The following ANKDD1B variants were observed in gnomAD, a reference collection of about 807,000 sequenced individuals.
ANKDD1B encodes ankyrin repeat and death domain containing 1B, also known as ankyrin repeat and death domain-containing protein 1B.
In ANKDD1B, 57 loss-of-function variants were observed where a neutral mutation model predicts 59.7. That is an observed-to-expected ratio of 0.95 (90% CI 0.77 to 1.19). The LOEUF (loss-of-function observed/expected upper bound fraction) is 1.19, where lower values mean the gene tolerates loss of function less well. ANKDD1B is among the 50% of genes most tolerant of loss of function. ANKDD1B has a pLI of 0.00. For missense variants in ANKDD1B, 602 were observed against 641.9 expected (o/e 0.94, Z 0.67); for synonymous variants, 216 against 239.5 (o/e 0.90, Z 0.91).
At chr5:75,636,826 G>A (rs893994440) in intron 7 of ANKDD1B, among the ~76,000 whole-genome samples, 2 of 152,142 alleles carry the variant, frequency 1.3e-5, no homozygotes, top group African/African-American at 2.4e-5. Flanking sequence ...CCAGCTGTCT[G>A]GCTTGGGCTG....
intron 7 of ANKDD1B, among the ~76,000 whole-genome samples, chr5:75,647,818 CATT>C (rs1774678852): frequency 1.6e-5 from 2 of 126,288 alleles, no homozygotes; most frequent in African/African-American, 8.2e-5. Context: ...TTTATTGCGG[CATT>C]ATTCACAATA....
chr5:75,648,203 G>A (rs1324181612), intron 7 of ANKDD1B, among the ~76,000 whole-genome samples: 2 of 112,962 alleles, frequency 1.8e-5, no homozygotes, highest in Non-Finnish European at 3.5e-5. Context: ...GTATACATAT[G>A]TAACTAACCT....
chr5:75,624,359 G>A (rs1380318503), intron 3 of ANKDD1B, among the ~76,000 whole-genome samples: 1 of 152,146 alleles, frequency 6.6e-6, no homozygotes. Flanking sequence ...CTTAGGGCCC[G>A]GGGTGCAGAT....
At chr5:75,642,231 G>A (rs1027580766) in intron 7 of ANKDD1B, among the ~76,000 whole-genome samples, 12 of 152,138 alleles carry the variant, frequency 7.9e-5, no homozygotes, top group Non-Finnish European at 1.5e-4. Flanking sequence ...GAATTCATGG[G>A]AGGTGGGAGG....
chr5:75,617,828 CA>C (rs1475974373), intron 2 of ANKDD1B, among the ~76,000 whole-genome samples: 1 of 152,166 alleles, frequency 6.6e-6, no homozygotes, highest in Non-Finnish European at 1.5e-5. Context: ...TCAGGTTTCA[CA>C]AAACCTGTGT....
intron 3 of ANKDD1B, 42 bp downstream of exon 3, chr5:75,620,455 G>A (rs1269128199): frequency 5.6e-6 from 6 of 1,062,226 alleles, no homozygotes; most frequent in African/African-American, 4.7e-5. Flanking sequence ...CATAACCAAT[G>A]TACAGGGAGA....
intron 5 of ANKDD1B, among the ~76,000 whole-genome samples, chr5:75,627,300 A>T (rs1451883181): frequency 6.6e-6 from 1 of 152,178 alleles, no homozygotes; most frequent in Non-Finnish European, 1.5e-5. Flanking sequence ...TTTTTTTTTA[A>T]ATCAGCAAAC....
chr5:75,665,847 C>G (rs899904901), intron 11 of ANKDD1B, among the ~76,000 whole-genome samples: 11 of 152,150 alleles, frequency 7.2e-5, no homozygotes, highest in African/African-American at 2.4e-4. Context: ...TTTCCTGCCC[C>G]AGCCTGGATT....
At chr5:75,628,107 C>T (rs16872661) in intron 5 of ANKDD1B, among the ~76,000 whole-genome samples, 8,308 of 152,188 alleles carry the variant, frequency 0.055, 462 homozygotes, top group African/African-American at 0.14. Context: ...CTTAAGAAAA[C>T]TAAATTGATG....
rs1014367859 is a variant in ANKDD1B, at chr5:75,655,883, T to C, written c.898-146T>C. 5.7e-6 allele frequency: 3 copies of C among 522,140 alleles called. No homozygotes were observed. In the African/African-American group the frequency reaches 5.9e-5, roughly 10 times the overall value. The allele number at this position is 522,140 out of a possible 1,614,324, so 32.3% of individuals were successfully genotyped here. A position where few individuals can be genotyped will look rare whatever the true frequency, so the allele number is the denominator to read the frequency against. ...AAAGCCTTGGGATGACAATAAATGCTGAACACTTACTAAGGGTCACCACTG... is the reference window on the plus strand; with the variant it reads ...AAAGCCTTGGGATGACAATAAATGCCGAACACTTACTAAGGGTCACCACTG... On this transcript the variant is annotated intron_variant, in intron 8 of 13. Transcript: ENST00000601380.
chr5:75,640,329 C>T (rs1561440562), intron 7 of ANKDD1B, among the ~76,000 whole-genome samples: 2 of 152,166 alleles, frequency 1.3e-5, no homozygotes, highest in African/African-American at 4.8e-5. Flanking sequence ...ACAGGCCGAG[C>T]CACTGAACCC....
intron 2 of ANKDD1B, among the ~76,000 whole-genome samples, chr5:75,618,960 G>A (rs1022210355): frequency 6.6e-6 from 1 of 152,118 alleles, no homozygotes; most frequent in African/African-American, 2.4e-5. Context: ...TGGCCAGGCT[G>A]GTCTCAAACT....
At chr5:75,663,519 G>A in intron 11 of ANKDD1B, 30 bp downstream of exon 11, 1 of 1,510,374 alleles carries the variant, frequency 6.6e-7, no homozygotes, top group African/African-American at 1.4e-5. Flanking sequence ...GCACAGCAGG[G>A]GCTTTCCTGG....
At position 75,657,192 on chromosome 5, in the gene ANKDD1B, T is replaced by C. The variant is rs187881599; in HGVS notation, c.996+1065T>C. Among the ~76,000 whole-genome samples, 7 of 152,340 alleles carry C rather than the reference T, an allele frequency of 4.6e-5. No individual in the cohort carries two copies. The East Asian group carries it at 9.6e-4, about 21-fold the overall frequency. On this transcript the variant is annotated intron_variant, in intron 9 of 13. Coordinates refer to ENST00000601380, the MANE Select transcript of ANKDD1B (RefSeq NM_001276713.2). ...CAGAGCTTCGTGCTCACATGTGATA[T>C]TGGTTTTGACAGAACTGGCTAGATG...
At position 75,671,836 on chromosome 5, in the gene ANKDD1B, AT is replaced by A. The variant is rs1483283856; in HGVS notation, c.*798del. Reference sequence around the variant, plus strand: ...CTAAGAGTTATGAAATAAATGTAAAATTGAGTGTCAGTTTATGTGCACCTAT... The same window carrying A: ...CTAAGAGTTATGAAATAAATGTAAAATGAGTGTCAGTTTATGTGCACCTAT... On this transcript the variant is annotated 3_prime_UTR_variant, in exon 14 of 14. Coordinates refer to ENST00000601380, the MANE Select transcript of ANKDD1B (RefSeq NM_001276713.2). The A allele has an allele frequency of 2.6e-5, 3 of 116,634 alleles. No homozygotes were observed. Among genetic ancestry groups the A allele is most frequent in the Non-Finnish European group, 5.9e-5 (3 of 51,082 alleles). The allele number at this position is 116,634 out of a possible 1,614,324, so 7.2% of individuals were successfully genotyped here.
chr5:75,645,371 AAGAG>A (rs1425008700), intron 7 of ANKDD1B, among the ~76,000 whole-genome samples: 4 of 72,684 alleles, frequency 5.5e-5, no homozygotes, highest in Non-Finnish European at 9.1e-5. Context: ...TAAAGAAAAA[AAGAG>A]AGAAGAATCA....
Position 75,632,121 on chromosome 5 carries a change from A to G in ANKDD1B, c.601-2777A>G, listed in dbSNP as rs575295447. 7.6e-4 allele frequency among the ~76,000 whole-genome samples: 116 copies of G among 151,972 alleles called. 1 individual carries two copies. Among genetic ancestry groups the G allele is most frequent in the Middle Eastern group, 3.4e-3 (1 of 292 alleles). ...AACTCTGTCTCAAAAAAAAAAAAAAAAAGAAGAAAAAGAAAAAAAGACTCA... is the reference window on the plus strand; with the variant it reads ...AACTCTGTCTCAAAAAAAAAAAAAAGAAGAAGAAAAAGAAAAAAAGACTCA... On this transcript the variant is annotated intron_variant, in intron 5 of 13. Transcript: ENST00000601380.
At chr5:75,664,012 T>G (rs1369614265) in intron 11 of ANKDD1B, among the ~76,000 whole-genome samples, 1 of 152,278 alleles carries the variant, frequency 6.6e-6, no homozygotes, top group Non-Finnish European at 1.5e-5. Flanking sequence ...TTTCCTCTGA[T>G]ATCTGCTACC....
At chr5:75,627,729 AT>A (rs1232660491) in intron 5 of ANKDD1B, among the ~76,000 whole-genome samples, 1 of 152,128 alleles carries the variant, frequency 6.6e-6, no homozygotes, top group Non-Finnish European at 1.5e-5. Context: ...ACACACAGTT[AT>A]TTTCCCCTTC....
Sources: allele counts gnomAD v4.1 joint callset (sites outside exome capture counted in the v4.1 genomes callset), GRCh38; gene constraint gnomAD v4.1.1; transcripts MANE v1.5; gene names NCBI Gene and HGNC (gene_info 2026-07-23, HGNC 2026-07-21).